The following NLRP14 variants were observed in gnomAD, a reference collection of about 807,000 sequenced individuals.
NLRP14 encodes NACHT, LRR and PYD domains-containing protein 14.
Under a neutral mutation model 94.7 loss-of-function variants are expected in NLRP14, and 105 were observed. The ratio of observed to expected loss-of-function variants is 1.11; its 90% confidence interval spans 0.95 to 1.30. The LOEUF is 1.30. NLRP14 is among the 50% of genes most tolerant of loss of function. The pLI is 0.00. For synonymous variants in NLRP14, 508 were observed against 459.9 expected (o/e 1.10, Z -1.34); for missense variants, 1,362 against 1,254.1 (o/e 1.09, Z -1.30).
intron 1 of NLRP14, among the ~76,000 whole-genome samples, chr11:7,031,149 G>A (rs977752652): frequency 1.3e-5 from 2 of 152,234 alleles, no homozygotes; most frequent in African/African-American, 4.8e-5. Context: ...GCAAATGCCT[G>A]TTGATCCTTT....
rs772511471 is a variant in NLRP14, at chr11:7,042,890, C to T, written c.864C>T (p.Leu288=). ...CCCAAGAACACCCAGTGTCCTTCCTCATGAGTAGTTTGCTGAGGAAAGTGA... is the reference window on the plus strand; with the variant it reads ...CCCAAGAACACCCAGTGTCCTTCCTTATGAGTAGTTTGCTGAGGAAAGTGA... ...DWTQEHPVSF[L]MSSLLRKVML... is the part of the protein sequence containing the mutation. The change falls in exon 4 of 12, where the codon CTC becomes CTT. Residue 288 remains leucine, a synonymous_variant. Coordinates refer to ENST00000299481, the MANE Select transcript of NLRP14 (RefSeq NM_176822.4). 2.5e-6 allele frequency: 4 copies of T among 1,614,026 alleles called. No homozygotes were observed. The highest frequency in any genetic ancestry group is 2.7e-5 in the African/African-American group (2 of 74,894).
chr11:7,052,669 T>A (rs940146191), intron 6 of NLRP14, among the ~76,000 whole-genome samples: 1 of 152,100 alleles, frequency 6.6e-6, no homozygotes, highest in African/African-American at 2.4e-5. Context: ...AAGAGGAACT[T>A]GCCTGAGAAT....
intron 6 of NLRP14, among the ~76,000 whole-genome samples, chr11:7,052,549 C>A (rs1279636664): frequency 6.6e-6 from 1 of 152,110 alleles, no homozygotes; most frequent in African/African-American, 2.4e-5. Flanking sequence ...AGGAGAATTG[C>A]TTGAAACCTG....
rs994621439 is a variant in NLRP14 at position 7,058,299 on chromosome 11, A to T, written c.2482A>T (p.Thr828Ser). The T allele has an allele frequency of 8.1e-6, 13 of 1,612,500 alleles. No homozygotes were observed. Among genetic ancestry groups the T allele is most frequent in the Non-Finnish European group, 8.5e-6 (10 of 1,178,908 alleles). ...TTTCAGCTTAGAAAGCTGTGGTCTC[A>T]CAGAGGCTGGCTGTGAGTATCTTTC... ...ERLSLESCGL[T>S]EAGCEYLSLA... The change falls in exon 8 of 12, where the codon ACA becomes TCA. Residue 828 changes from threonine to serine, a missense_variant. By Grantham distance (58) the Thr-to-Ser change is moderately conservative. Transcript: ENST00000299481.
Position 7,049,912 on chromosome 11 carries a change from G to A in NLRP14, c.2291+74G>A. On this transcript the variant is annotated intron_variant, in intron 6 of 11. Coordinates refer to ENST00000299481, the MANE Select transcript of NLRP14 (RefSeq NM_176822.4). ...TTGTCTATCCAAGTAGACTCTTACA[G>A]CCTGGATTTGCTATTCATAGGACCG... 4.0e-6 allele frequency: 5 copies of A among 1,255,022 alleles called. No homozygotes were observed. In the South Asian group the frequency reaches 6.0e-5, roughly 15 times the overall value. 77.7% of individuals were successfully genotyped at this position (1,255,022 alleles called of 1,614,324 possible). A position where few individuals can be genotyped will look rare whatever the true frequency, so the allele number is the denominator to read the frequency against.
chr11:7,060,222 C>T (rs150663284), intron 9 of NLRP14, among the ~76,000 whole-genome samples, 158 bp downstream of exon 9: 81 of 151,922 alleles, frequency 5.3e-4, no homozygotes, highest in Non-Finnish European at 8.7e-4. Context: ...GAAGTCTGCT[C>T]ATCAGATTTC....
chr11:7,074,709 A>AAGG (rs1852852424), downstream of NLRP14, among the ~76,000 whole-genome samples: 2 of 152,244 alleles, frequency 1.3e-5, no homozygotes, highest in African/African-American at 4.8e-5. Context: ...TCAAATCATC[A>AAGG]GGATTTATTG....
chr11:7,059,132 C>A (rs911019757), intron 8 of NLRP14, among the ~76,000 whole-genome samples: 57 of 150,774 alleles, frequency 3.8e-4, no homozygotes, highest in South Asian at 1.9e-3. Flanking sequence ...TTAGGAATTT[C>A]CTCTTCATGG....
intron 10 of NLRP14, among the ~76,000 whole-genome samples, chr11:7,069,638 T>TC (rs1342688087): frequency 6.6e-6 from 1 of 151,728 alleles, no homozygotes; most frequent in Non-Finnish European, 1.5e-5. Context: ...TTTATTTTAT[T>TC]TTTTTTGAGA....
the NLRP14 span, among the ~76,000 whole-genome samples, chr11:7,088,023 C>T: frequency 2.6e-5 from 4 of 152,114 alleles, no homozygotes; most frequent in African/African-American, 9.7e-5. Flanking sequence ...TACAAATCCA[C>T]AATTATGGTA....
chr11:7,057,820 A>G lies in NLRP14; in HGVS notation c.2435A>G (p.His812Arg), dbSNP rs1852540941. ...GVQLLCEALR[H>R]PKCYLERLSL... is the part of the protein sequence containing the mutation. ...CAGCTTTTGTGTGAGGCCTTAAGAC[A>G]TCCAAAGTGTTATCTAGAGAGACTG... Residue 812 changes from histidine (H) to arginine (R), a missense_variant, in exon 7 of 12, where the codon CAT becomes CGT. His to Arg is a conservative substitution (Grantham distance 29). Transcript: ENST00000299481. 1 of 1,612,480 alleles carries G rather than the reference A, an allele frequency of 6.2e-7. No individual in the cohort carries two copies. The highest frequency in any genetic ancestry group is 8.5e-7 in the Non-Finnish European group (1 of 1,178,662).
Position 7,049,715 on chromosome 11 carries a change from C to T in NLRP14, c.2168C>T (p.Thr723Ile), listed in dbSNP as rs1244548187. 4 of 1,612,650 alleles carry T rather than the reference C, an allele frequency of 2.5e-6. No individual in the cohort carries two copies. The South Asian group carries it at 3.3e-5, about 13-fold the overall frequency. Residue 723 changes from threonine to isoleucine, a missense_variant, in exon 6 of 12, where the codon ACT becomes ATT. Physicochemically the swap from Thr to Ile is moderately conservative, Grantham distance 89. Transcript: ENST00000299481. ...TFPDGCQDIS[T>I]SLIHNKNLMH... ...CCTGATGGTTGTCAGGATATCTCTA[C>T]TTCTTTGATTCATAACAAGAATCTG...
the NLRP14 span, among the ~76,000 whole-genome samples, chr11:7,078,437 CAAAAAAA>C: frequency 6.5e-5 from 1 of 15,360 alleles, no homozygotes; most frequent in Non-Finnish European, 1.3e-4. Flanking sequence ...GACTCTGTCT[CAAAAAAA>C]AAAAAAAAAA....
chr11:7,036,689 G>A (rs1410676896), intron 1 of NLRP14, among the ~76,000 whole-genome samples: 1 of 151,194 alleles, frequency 6.6e-6, no homozygotes, highest in Non-Finnish European at 1.5e-5. Flanking sequence ...GAGGTTATTG[G>A]TATGAGTTAT....
intron 6 of NLRP14, 52 bp from the exon 7 acceptor site, chr11:7,057,625 G>C: frequency 6.5e-7 from 1 of 1,546,172 alleles, no homozygotes; most frequent in Non-Finnish European, 8.9e-7. Flanking sequence ...GGTGTTGGTT[G>C]TAATTATTCT....
At chr11:7,044,304 T>C (rs1852318813) in intron 4 of NLRP14, among the ~76,000 whole-genome samples, 1 of 152,186 alleles carries the variant, frequency 6.6e-6, no homozygotes, top group African/African-American at 2.4e-5. Context: ...CAAGGAGGAA[T>C]GTGGCATGGC....
chr11:7,056,606 C>T (rs1204227578), intron 6 of NLRP14, among the ~76,000 whole-genome samples: 1 of 149,822 alleles, frequency 6.7e-6, no homozygotes, highest in Non-Finnish European at 1.5e-5. Flanking sequence ...TTTATATCTA[C>T]AGTTAGAAAC....
chr11:7,039,697 A>G lies in NLRP14; in HGVS notation c.290-17A>G, dbSNP rs1467939536. On this transcript the variant is annotated splice_polypyrimidine_tract_variant and intron_variant, in intron 2 of 11. Transcript: ENST00000299481. Reference sequence around the variant, plus strand: ...TGTTTTCATTAAATATCATGATCCTATCGGAACCTGTTGCAGGGTCGGCCC... The same window carrying G: ...TGTTTTCATTAAATATCATGATCCTGTCGGAACCTGTTGCAGGGTCGGCCC... 1 of 1,602,658 alleles carries G rather than the reference A, an allele frequency of 6.2e-7. No homozygotes were observed. Among genetic ancestry groups the G allele is most frequent in the Non-Finnish European group, 8.6e-7 (1 of 1,169,536 alleles).
At chr11:7,067,381 G>T in intron 10 of NLRP14, among the ~76,000 whole-genome samples, 1 of 152,148 alleles carries the variant, frequency 6.6e-6, no homozygotes, top group East Asian at 1.9e-4. Context: ...ATTTCCTTGA[G>T]CAGTGGTTTG....
Sources: allele counts gnomAD v4.1 joint callset (sites outside exome capture counted in the v4.1 genomes callset), GRCh38; gene constraint gnomAD v4.1.1; transcripts MANE v1.5; gene names NCBI Gene and HGNC (gene_info 2026-07-23, HGNC 2026-07-21).